Variants in DGKQ observed in about 807,000 individuals in gnomAD.
The protein encoded by DGKQ is diacylglycerol kinase theta, also known as DAG kinase theta.
In DGKQ, 97 loss-of-function variants were observed where a neutral mutation model predicts 104.2. The ratio of observed to expected loss-of-function variants is 0.93; its 90% CI spans 0.79 to 1.10. The LOEUF is 1.10. DGKQ is among the 50% of genes least tolerant of loss of function. The probability of loss-of-function intolerance (pLI) is 0.00; values close to 1 mark genes in which losing one functional copy is unlikely to be tolerated. For missense variants in DGKQ, 1,465 were observed against 1,352.1 expected (o/e 1.08, Z -1.31); for synonymous variants, 736 against 595.2 (o/e 1.24, Z -3.44).
chr4:960,928 C>G (rs949889221), intron 22 of DGKQ, 121 bp downstream of exon 22: 6 of 1,518,820 alleles, frequency 4.0e-6, no homozygotes, highest in Non-Finnish European at 5.3e-6. Context: ...GGCACCCTCC[C>G]GGAGTCAGTG....
chr4:970,957 G>A (rs757165792), intron 2 of DGKQ, 36 bp downstream of exon 2: 2 of 1,501,548 alleles, frequency 1.3e-6, no homozygotes, highest in Admixed American at 3.9e-5. Context: ...ACATCCCCCA[G>A]CCTCTTGCAG....
rs758629181 is a variant in DGKQ at position 967,951 on chromosome 4, G to C, written c.740C>G (p.Ala247Gly). ...GCCGCCGGGCAGAAGGCGCACGCAC[G>C]CGGGAGGCAGGACCAGGGAGCGCAG... Reference protein sequence around the residue: ...GRLRSLVLPPACVRLLPGGFS... With the variant: ...GRLRSLVLPPGCVRLLPGGFS... The change falls in exon 6 of 23, where the codon GCG (alanine) becomes GGG (glycine). Residue 247 changes from alanine (A) to glycine (G), a missense_variant. Coordinates refer to ENST00000273814, the MANE Select transcript of DGKQ (RefSeq NM_001347.4). The C allele has an allele frequency of 1.8e-5, 27 of 1,484,306 alleles. No individual in the cohort carries two copies. The highest frequency in any genetic ancestry group is 1.6e-4 in the South Asian group (12 of 77,248). The allele number at this position is 1,484,306 out of a possible 1,614,324, so 91.9% of individuals were successfully genotyped here. A position where few individuals can be genotyped will look rare whatever the true frequency, so the allele number is the denominator to read the frequency against.
rs929775518 is a variant in DGKQ, at chr4:966,653, T to C, written c.1366+95A>G. On this transcript the variant is annotated intron_variant, in intron 11 of 22. Transcript: ENST00000273814. Reference sequence around the variant, plus strand: ...TGGTCAGGAGGGCAGAGCCCGGCCTTGATGTCCGGCACCACCCTGCAGGAA... The same window carrying C: ...TGGTCAGGAGGGCAGAGCCCGGCCTCGATGTCCGGCACCACCCTGCAGGAA... 14 of 1,508,084 alleles carry C rather than the reference T, an allele frequency of 9.3e-6. No homozygotes were observed. In the African/African-American group the frequency reaches 1.7e-4, roughly 18 times the overall value. 93.4% of individuals were successfully genotyped at this position (1,508,084 alleles called of 1,614,324 possible).
chr4:972,784 C>A (rs1713037138), intron 1 of DGKQ, among the ~76,000 whole-genome samples: 1 of 152,004 alleles, frequency 6.6e-6, no homozygotes, highest in Non-Finnish European at 1.5e-5. Flanking sequence ...GACACGCGCA[C>A]CGGGACGGCA....
intron 10 of DGKQ, 48 bp downstream of exon 10, chr4:966,916 C>G: frequency 6.5e-7 from 1 of 1,543,776 alleles, no homozygotes; most frequent in Non-Finnish European, 8.8e-7. Flanking sequence ...GGGACAGCGA[C>G]CCCCCACCGA....
At chr4:969,920 A>G (rs1226520540) in intron 2 of DGKQ, among the ~76,000 whole-genome samples, 1 of 152,232 alleles carries the variant, frequency 6.6e-6, no homozygotes, top group East Asian at 1.9e-4. Flanking sequence ...CGTTAAATAC[A>G]TCTTCTAAAT....
chr4:960,779 A>ACGGGCAGCCCCCGGTCCTGGGGCCC, intron 22 of DGKQ, 58 bp from the exon 23 acceptor site: 1 of 1,586,466 alleles, frequency 6.3e-7, no homozygotes, highest in Non-Finnish European at 8.6e-7. Context: ...AGAACGGTAC[A>ACGGGCAGCCCCCGGTCCTGGGGCCC]CGGGCAGCCC....
In DGKQ at chr4:965,175, C is replaced by A; in HGVS notation, c.1734+1G>T. ...AAGAGCCGGCTTGACCGCACACTCA[C>A]CAGCAGGTCGGGGAGCACCAGGGCA... On this transcript the variant is annotated splice_donor_variant, in intron 15 of 22. Coordinates refer to ENST00000273814, the MANE Select transcript of DGKQ (RefSeq NM_001347.4). LOFTEE classifies it high-confidence loss of function. 1.2e-6 allele frequency: 2 copies of A among 1,612,236 alleles called. No homozygotes were observed. The highest frequency in any genetic ancestry group is 1.7e-6 in the Non-Finnish European group (2 of 1,179,586).
At chr4:963,607 G>A (rs1712060588) in intron 15 of DGKQ, among the ~76,000 whole-genome samples, 1 of 152,240 alleles carries the variant, frequency 6.6e-6, no homozygotes, top group Non-Finnish European at 1.5e-5. Flanking sequence ...TGCAGCGCGA[G>A]TCCAGGCTGG....
In DGKQ at chr4:961,573, C is replaced by G. The variant is rs1257678880; in HGVS notation, c.2468G>C (p.Gly823Ala). 4 of 1,609,010 alleles carry G rather than the reference C, an allele frequency of 2.5e-6. No individual in the cohort carries two copies. The highest frequency in any genetic ancestry group is 3.4e-6 in the Non-Finnish European group (4 of 1,178,564). Reference sequence around the variant, plus strand: ...GGAGCCCCACAGGTCGGCCCCCGAGCCCCAGCTGCCGCATAAGAGAGCGGG... The same window carrying G: ...GGAGCCCCACAGGTCGGCCCCCGAGGCCCAGCTGCCGCATAAGAGAGCGGG... ...GLIFINIPSW[G>A]SGADLWGSDS... Residue 823 changes from glycine (G) to alanine (A), a missense_variant, in exon 21 of 23, where the codon GGC (glycine) becomes GCC (alanine). Gly to Ala is a moderately conservative substitution (Grantham distance 60, BLOSUM62 0). Transcript: ENST00000273814.
rs1278824516 is a variant in DGKQ at position 966,402 on chromosome 4, G to A, written c.1428+64C>T. On this transcript the variant is annotated intron_variant, in intron 12 of 22. Coordinates refer to ENST00000273814, the MANE Select transcript of DGKQ (RefSeq NM_001347.4). ...TCGGCGTCTGGGGCACACCCACCCT[G>A]TGGGGCAGAGGCTGTGGCTGAGGGC... is the stretch of plus-strand genomic sequence containing the variant. 20 of 1,563,738 alleles carry A rather than the reference G, an allele frequency of 1.3e-5. 2 individuals are homozygous for A. Among genetic ancestry groups the A allele is most frequent in the Admixed American group, 1.7e-5 (1 of 58,942 alleles).
rs756428580 is a variant in DGKQ, at chr4:965,143, G to T, written c.1734+33C>A. On this transcript the variant is annotated intron_variant, in intron 15 of 22. Transcript: ENST00000273814. ...GACCTCCCTCTGGCCACCCCCTGGG[G>T]TGTGTGAAGAGCCGGCTTGACCGCA... The T allele has an allele frequency of 1.9e-6, 3 of 1,585,282 alleles. No individual in the cohort carries two copies. In the South Asian group the frequency reaches 3.3e-5, roughly 18 times the overall value.
At position 965,826 on chromosome 4, in the gene DGKQ, G is replaced by A. The variant is rs987944785; in HGVS notation, c.1579+102C>T. On this transcript the variant is annotated intron_variant, in intron 13 of 22. Coordinates refer to ENST00000273814, the MANE Select transcript of DGKQ (RefSeq NM_001347.4). ...CTGGACCCGGAGCTCAGGCCTTGGT[G>A]GCTCAAGGAGAGGCAGGAGCCGGCT... The A allele has an allele frequency of 2.7e-5, 35 of 1,318,702 alleles. No individual in the cohort carries two copies. The African/African-American group carries it at 4.2e-4, about 16-fold the overall frequency. The allele number at this position is 1,318,702 out of a possible 1,614,324, so 81.7% of individuals were successfully genotyped here. A position where few individuals can be genotyped will look rare whatever the true frequency, so the allele number is the denominator to read the frequency against.
At position 962,010 on chromosome 4, in the gene DGKQ, C is replaced by T; in HGVS notation, c.2287G>A (p.Glu763Lys). The T allele has an allele frequency of 2.5e-6, 4 of 1,613,204 alleles. No individual in the cohort carries two copies. Among genetic ancestry groups the T allele is most frequent in the Non-Finnish European group, 3.4e-6 (4 of 1,179,952 alleles). Residue 763 changes from glutamate to lysine, a missense_variant, in exon 19 of 23, where the codon GAA becomes AAA. Transcript: ENST00000273814. The stretch of plus-strand genomic sequence containing the variant: ...CTTGTGAACTTGCCAGGCTCCTCTT[C>T]CCGTGCCTGGTGGAAGTCCAGGCTC... ...ELSLDFHQAREEEPGKFTSRL... is the reference protein window; with the variant it reads ...ELSLDFHQARKEEPGKFTSRL...
intron 17 of DGKQ, 25 bp from the exon 18 acceptor site, chr4:962,638 A>G: frequency 6.2e-7 from 1 of 1,603,030 alleles, no homozygotes; most frequent in Non-Finnish European, 8.5e-7. Context: ...GACACAGAGC[A>G]TCTGTCCACA....
Position 961,711 on chromosome 4 carries a change from G to A in DGKQ, c.2439C>T (p.Gly813=), listed in dbSNP as rs773607242. The stretch of plus-strand genomic sequence containing the variant: ...ACCTGGGGATGTTGATGAAGATGAG[G>A]CCTTCAATACTGGGCAGCTCCACCT... ...RQEVELPSIE[G]LIFINIPSWG... The change falls in exon 20 of 23, where the codon GGC becomes GGT. Residue 813 remains glycine (G), a synonymous_variant. Transcript: ENST00000273814. The A allele has an allele frequency of 1.2e-6, 2 of 1,612,632 alleles. No individual in the cohort carries two copies. Among genetic ancestry groups the A allele is most frequent in the Non-Finnish European group, 1.7e-6 (2 of 1,179,918 alleles).
chr4:962,456 C>T lies in DGKQ; in HGVS notation c.2193G>A (p.Thr731=), dbSNP rs567031442. The change falls in exon 18 of 23, where the codon ACG becomes ACA. Residue 731 remains threonine (T), a synonymous_variant. Coordinates refer to ENST00000273814, the MANE Select transcript of DGKQ (RefSeq NM_001347.4). ...AHEAGSAEND[T]ADAEPPKIVQ... ...GTACCTTGGGGGGCTCTGCGTCTGC[C>T]GTGTCGTTCTCTGCACTGCCAGCCT... 15 of 1,592,736 alleles carry T rather than the reference C, an allele frequency of 9.4e-6. No individual in the cohort carries two copies. The highest frequency in any genetic ancestry group is 1.1e-5 in the Non-Finnish European group (13 of 1,173,814).
chr4:965,598 C>A, intron 13 of DGKQ, 69 bp from the exon 14 acceptor site: 1 of 1,554,558 alleles, frequency 6.4e-7, no homozygotes, highest in Non-Finnish European at 8.8e-7. Context: ...CAGGGACAGC[C>A]CCTCCGCCTG....
chr4:966,849 C>A (rs907307274), intron 10 of DGKQ, 47 bp from the exon 11 acceptor site: 15 of 1,585,744 alleles, frequency 9.5e-6, no homozygotes, highest in Non-Finnish European at 1.3e-5. Flanking sequence ...CCCCCACCAC[C>A]TCAGGACACC....
Sources: gnomAD v4.1 joint callset for allele counts (sites outside exome capture counted in the v4.1 genomes callset) on GRCh38, gnomAD v4.1.1 for gene constraint, MANE v1.5 for transcripts, NCBI Gene and HGNC (gene_info 2026-07-23, HGNC 2026-07-21) for gene names.